CDYL: variants seen among roughly 807,000 people sequenced by gnomAD.
CDYL encodes chromodomain Y-like protein.
Under a neutral mutation model 47.3 loss-of-function variants are expected in CDYL, and 8 were observed. The ratio of observed to expected loss-of-function variants is 0.17; its 90% confidence interval spans 0.10 to 0.31. The LOEUF (loss-of-function observed/expected upper bound fraction) is 0.31, where lower values mean the gene tolerates loss of function less well. Among genes scored for constraint, CDYL ranks in the 10% least tolerant of loss-of-function variants. The pLI is 1.00. For synonymous variants in CDYL, 266 were observed against 265.0 expected, an observed-to-expected ratio of 1.00 and a Z score of -0.04; for missense variants, 471 against 701.4, an observed-to-expected ratio of 0.67 and a Z score of 3.71.
At chr6:4,868,374 G>A (rs1359171998) in intron 1 of CDYL, among the ~76,000 whole-genome samples, 1 of 151,314 alleles carries the variant, frequency 6.6e-6, no homozygotes, top group Non-Finnish European at 1.5e-5. Flanking sequence ...TTCTTTTTTA[G>A]AAGTGTGTTT....
At chr6:4,897,364 A>G (rs1762314015) in intron 2 of CDYL, among the ~76,000 whole-genome samples, 1 of 152,206 alleles carries the variant, frequency 6.6e-6, no homozygotes. Flanking sequence ...ACCTTAGCAC[A>G]CCTTGCATTT....
At chr6:4,715,447 T>C (rs537321614) in intron 1 of CDYL, among the ~76,000 whole-genome samples, 1 of 152,266 alleles carries the variant, frequency 6.6e-6, no homozygotes, top group Non-Finnish European at 1.5e-5. Context: ...TACTCTTCCA[T>C]GTATTGTAAT....
At chr6:4,791,711 A>T (rs1758921567) in intron 1 of CDYL, among the ~76,000 whole-genome samples, 1 of 135,514 alleles carries the variant, frequency 7.4e-6, no homozygotes, top group Non-Finnish European at 1.6e-5. Flanking sequence ...TCAAAGAAAG[A>T]AAAAAAAAAA....
chr6:4,892,688 A>G (rs901488097), intron 2 of CDYL, among the ~76,000 whole-genome samples: 24 of 151,946 alleles, frequency 1.6e-4, no homozygotes, highest in African/African-American at 5.6e-4. Context: ...GAAGCTGTCT[A>G]CCTTTCTTCA....
chr6:4,946,214 A>G (rs962622500), intron 5 of CDYL, among the ~76,000 whole-genome samples: 8 of 152,084 alleles, frequency 5.3e-5, no homozygotes, highest in African/African-American at 1.7e-4. Context: ...TGCCCCCTCC[A>G]TGGCGGATGC....
At chr6:4,871,406 T>G (rs1761470833) in intron 1 of CDYL, among the ~76,000 whole-genome samples, 1 of 152,188 alleles carries the variant, frequency 6.6e-6, no homozygotes, top group Non-Finnish European at 1.5e-5. Flanking sequence ...CATTTTGGAT[T>G]TTGGATTTTC....
At chr6:4,738,395 G>GTAAAAA (rs111654615) in intron 3 of CDYL, among the ~76,000 whole-genome samples, 151,964 of 152,178 alleles carry the variant, frequency 1, 75,877 homozygotes, top group Middle Eastern at 1. Context: ...GTAGTAATAA[G>GTAAAAA]TAAAAATAAA....
chr6:4,814,866 G>C (rs1246165268), intron 1 of CDYL, among the ~76,000 whole-genome samples: 1 of 152,186 alleles, frequency 6.6e-6, no homozygotes, highest in Non-Finnish European at 1.5e-5. Flanking sequence ...TGCCATGTGG[G>C]ATTCATGTCA....
intron 1 of CDYL, among the ~76,000 whole-genome samples, chr6:4,889,353 A>G (rs1037579841): frequency 6.6e-6 from 1 of 151,772 alleles, no homozygotes. Context: ...CCTCCTGAGT[A>G]GCTGGGACTA....
chr6:4,743,047 C>G (rs536626055), intron 3 of CDYL, among the ~76,000 whole-genome samples: 2 of 152,222 alleles, frequency 1.3e-5, no homozygotes, highest in Non-Finnish European at 1.5e-5. Context: ...ACACTTCTCA[C>G]GCCCCAAGGC....
chr6:4,920,210 G>A (rs1000380661), intron 2 of CDYL, among the ~76,000 whole-genome samples: 1 of 152,164 alleles, frequency 6.6e-6, no homozygotes, highest in South Asian at 2.1e-4. Context: ...TATTTAGTTG[G>A]AGTCTGGGGA....
At chr6:4,890,291 T>C (rs1762006841) in intron 1 of CDYL, among the ~76,000 whole-genome samples, 1 of 152,170 alleles carries the variant, frequency 6.6e-6, no homozygotes, top group Non-Finnish European at 1.5e-5. Context: ...TACACCCTCA[T>C]ACACAACTAT....
At chr6:4,815,317 A>C (rs1759641146) in intron 1 of CDYL, among the ~76,000 whole-genome samples, 1 of 152,212 alleles carries the variant, frequency 6.6e-6, no homozygotes, top group Admixed American at 6.5e-5. Context: ...TAAGCCTTTT[A>C]ATTTTGGAAC....
intron 1 of CDYL, among the ~76,000 whole-genome samples, chr6:4,838,830 G>T (rs1760402250): frequency 6.6e-6 from 1 of 152,246 alleles, no homozygotes; most frequent in South Asian, 2.1e-4. Flanking sequence ...GGGATTACAG[G>T]TGAGTGTTAC....
chr6:4,950,144 G>A (rs1325648345), intron 5 of CDYL, among the ~76,000 whole-genome samples: 1 of 152,218 alleles, frequency 6.6e-6, no homozygotes, highest in Non-Finnish European at 1.5e-5. Context: ...GAAGAGAACA[G>A]TGGTGGGGCT....
intron 1 of CDYL, among the ~76,000 whole-genome samples, chr6:4,843,442 C>T (rs1040818588): frequency 1.3e-5 from 2 of 151,390 alleles, no homozygotes; most frequent in East Asian, 3.9e-4. Flanking sequence ...TCTCTTCTTC[C>T]TCAGTAACAC....
At chr6:4,855,008 T>A (rs1191201152) in intron 1 of CDYL, among the ~76,000 whole-genome samples, 1 of 152,210 alleles carries the variant, frequency 6.6e-6, no homozygotes, top group Non-Finnish European at 1.5e-5. Flanking sequence ...CAATATGAGC[T>A]TTCTTATCAA....
At chr6:4,756,922 C>A (rs1182991958) in intron 3 of CDYL, among the ~76,000 whole-genome samples, 1 of 152,056 alleles carries the variant, frequency 6.6e-6, no homozygotes, top group Admixed American at 6.6e-5. Context: ...TAGCTTATTA[C>A]AAGAGAATTT....
rs1260250519 is a variant in CDYL, at chr6:4,776,750, C to T, written c.-34C>T. On this transcript the variant is annotated 5_prime_UTR_variant, in exon 1 of 7. Transcript: ENST00000397588. The stretch of plus-strand genomic sequence containing the variant: ...GCCCGGCGCCGGCGCCCGCCCCGAC[C>T]CTGCCCCTCCCGCCCGCAACTCCGC... The T allele has an allele frequency of 1.8e-6, 2 of 1,092,518 alleles. No homozygotes were observed. The highest frequency in any genetic ancestry group is 2.9e-5 in the Admixed American group (1 of 33,902). The allele number at this position is 1,092,518 out of a possible 1,614,324, so 67.7% of individuals were successfully genotyped here.
Sources: allele counts gnomAD v4.1 joint callset (sites outside exome capture counted in the v4.1 genomes callset), GRCh38; gene constraint gnomAD v4.1.1; transcripts MANE v1.5; gene names NCBI Gene and HGNC (gene_info 2026-07-23, HGNC 2026-07-21).